The following DNAH1 variants were observed in gnomAD, a reference collection of about 807,000 sequenced individuals.
DNAH1 encodes axonemal beta dynein heavy chain 1.
Under a neutral mutation model 484.3 loss-of-function variants are expected in DNAH1, and 327 were observed. The ratio of observed to expected loss-of-function variants is 0.68; its 90% confidence interval spans 0.62 to 0.74. The LOEUF (loss-of-function observed/expected upper bound fraction) is 0.74. DNAH1 is among the 30% of genes least tolerant of loss of function. DNAH1 has a pLI of 0.00. For synonymous variants in DNAH1, 2,192 were observed against 2,191.9 expected (o/e 1.00, Z 0.00); for missense variants, 5,052 against 5,546.8 (o/e 0.91, Z 2.83).
chr3:52,364,540 T>G lies in DNAH1; in HGVS notation c.5245-98T>G. ...CAAGGGAAGTGCTATGAGCTGGTGA[T>G]GAGACTTGGCCAACTGCCAGGTGGG... On this transcript the variant is annotated intron_variant, in intron 32 of 77. Coordinates refer to ENST00000420323, the MANE Select transcript of DNAH1 (RefSeq NM_015512.5). The surrounding 1 kb of genome is among the most constrained non-coding windows in gnomAD (Gnocchi z 4.2). 9.5e-5 allele frequency: 130 copies of G among 1,364,446 alleles called. No individual in the cohort carries two copies. Among genetic ancestry groups the G allele is most frequent in the Middle Eastern group, 2.2e-4 (1 of 4,494 alleles). The allele number at this position is 1,364,446 out of a possible 1,614,324, so 84.5% of individuals were successfully genotyped here.
At chr3:52,366,121 G>A (rs960846498) in intron 34 of DNAH1, among the ~76,000 whole-genome samples, 4 of 152,198 alleles carry the variant, frequency 2.6e-5, no homozygotes, top group African/African-American at 9.7e-5. Context: ...TACTTGGGGT[G>A]GTGCTCTCAG....
intron 44 of DNAH1, chr3:52,373,890 T>A: frequency 7.2e-7 from 1 of 1,394,140 alleles, no homozygotes; most frequent in East Asian, 2.3e-5. Context: ...ACCACCTTCC[T>A]CCAATCCTAC....
chr3:52,395,946 T>C lies in DNAH1; in HGVS notation c.11259+268T>C, dbSNP rs1032376532. 1.3e-5 allele frequency among the ~76,000 whole-genome samples: 2 copies of C among 150,548 alleles called. No homozygotes were observed. The highest frequency in any genetic ancestry group is 3.0e-5 in the Non-Finnish European group (2 of 67,618). On this transcript the variant is annotated intron_variant, in intron 70 of 77. Coordinates refer to ENST00000420323, the MANE Select transcript of DNAH1 (RefSeq NM_015512.5). This position sits in a 1 kb window ranked among gnomAD's most constrained non-coding sequence, Gnocchi z 4.4. ...TGGGACTTGCCAAAGCCCTTTTTTT[T>C]TTTTTTTTTTCAGACGGAGTCTCAC...
chr3:52,333,537 G>A (rs190176276), intron 8 of DNAH1, among the ~76,000 whole-genome samples: 7 of 151,944 alleles, frequency 4.6e-5, no homozygotes, highest in Admixed American at 1.3e-4. Context: ...AAAGGCACCC[G>A]CCACTATGCC....
chr3:52,310,975 T>C, the DNAH1 span, among the ~76,000 whole-genome samples: 1 of 152,216 alleles, frequency 6.6e-6, no homozygotes, highest in Non-Finnish European at 1.5e-5. Context: ...GCTGGTGTTG[T>C]GCAGGGCAGG....
intron 60 of DNAH1, among the ~76,000 whole-genome samples, 190 bp downstream of exon 60, chr3:52,389,776 A>G (rs1363837226): frequency 6.6e-6 from 1 of 152,238 alleles, no homozygotes; most frequent in Non-Finnish European, 1.5e-5. Flanking sequence ...AGTGTGGCAC[A>G]GATGCTAGCT....
In DNAH1 at chr3:52,368,810, C is replaced by T. The variant is rs754350875; in HGVS notation, c.5835C>T (p.Tyr1945=). Residue 1945 remains tyrosine (Y), a synonymous_variant, in exon 37 of 78, where the codon TAC becomes TAT. Coordinates refer to ENST00000420323, the MANE Select transcript of DNAH1 (RefSeq NM_015512.5). The surrounding 1 kb of genome is among the most constrained non-coding windows in gnomAD (Gnocchi z 4.4). ...AITSDTNKKW[Y]MFDGPVDAIW... is the part of the protein sequence containing the mutation. Reference sequence around the variant, plus strand: ...CCTCCGACACCAACAAGAAGTGGTACATGTTCGATGGGCCGGTGGATGCCA... The same window carrying T: ...CCTCCGACACCAACAAGAAGTGGTATATGTTCGATGGGCCGGTGGATGCCA... 1 of 1,614,020 alleles carries T rather than the reference C, an allele frequency of 6.2e-7. No homozygotes were observed. Among genetic ancestry groups the T allele is most frequent in the Non-Finnish European group, 8.5e-7 (1 of 1,179,896 alleles).
intron 44 of DNAH1, chr3:52,373,504 A>G (rs1703448619): frequency 4.1e-6 from 6 of 1,460,210 alleles, no homozygotes; most frequent in South Asian, 2.4e-5. Context: ...TCCGTCAGGA[A>G]AAACAGCCTT....
chr3:52,323,071 C>T (rs1490042834), intron 2 of DNAH1, among the ~76,000 whole-genome samples: 1 of 152,168 alleles, frequency 6.6e-6, no homozygotes, highest in Non-Finnish European at 1.5e-5. Flanking sequence ...CGCCCACGTC[C>T]CTATTGTCAT....
At position 52,370,551 on chromosome 3, in the gene DNAH1, G is replaced by A; in HGVS notation, c.6333G>A (p.Leu2111=). ...ELIEPWFIFS[L]IWSVGATGDS... ...TCGAGCCCTGGTTCATCTTCTCCCT[G>A]ATCTGGAGCGTGGGTGCCACTGGGG... Residue 2111 remains leucine (L), a synonymous_variant, in exon 40 of 78, where the codon CTG becomes CTA. Transcript: ENST00000420323. The A allele has an allele frequency of 1.2e-6, 2 of 1,613,968 alleles. No individual in the cohort carries two copies. The highest frequency in any genetic ancestry group is 1.7e-6 in the Non-Finnish European group (2 of 1,179,890).
At position 52,362,915 on chromosome 3, in the gene DNAH1, A is replaced by C; in HGVS notation, c.5095-80A>C. ...GTGCAGCAGGGAGTCCCAGCGTGTT[A>C]GGGAGGAGGGCCGGATGAAGCTGGG... is the stretch of plus-strand genomic sequence containing the variant. On this transcript the variant is annotated intron_variant, in intron 31 of 77. Coordinates refer to ENST00000420323, the MANE Select transcript of DNAH1 (RefSeq NM_015512.5). This position sits in a 1 kb window ranked among gnomAD's most constrained non-coding sequence, Gnocchi z 5.1. 2 of 1,585,482 alleles carry C rather than the reference A, an allele frequency of 1.3e-6. No homozygotes were observed. The highest frequency in any genetic ancestry group is 1.7e-6 in the Non-Finnish European group (2 of 1,161,564).
intron 44 of DNAH1, 87 bp from the exon 45 acceptor site, chr3:52,375,153 T>C: frequency 7.1e-7 from 1 of 1,418,266 alleles, no homozygotes; most frequent in Admixed American, 2.4e-5. Context: ...TAAAGTATAA[T>C]TTTGAATTTT....
At chr3:52,324,438 A>G (rs890601513) in intron 3 of DNAH1, among the ~76,000 whole-genome samples, 1 of 152,064 alleles carries the variant, frequency 6.6e-6, no homozygotes, top group Non-Finnish European at 1.5e-5. Context: ...CTCCAGGAGA[A>G]GCTCTGAGTG....
chr3:52,333,055 T>C (rs1414139858), intron 8 of DNAH1, among the ~76,000 whole-genome samples: 4 of 152,076 alleles, frequency 2.6e-5, no homozygotes, highest in Non-Finnish European at 5.9e-5. Context: ...TCTGGCTAAT[T>C]TTGTTATTTT....
Position 52,386,234 on chromosome 3 carries a change from G to A in DNAH1, c.8700G>A (p.Lys2900=). ...TEEIKANEKA[K]KAQAIADDAQ... ...AGATCAAAGCCAATGAGAAGGCCAA[G>A]AAGGCACAAGCTATTGCTGACGATG... is the stretch of plus-strand genomic sequence containing the variant. The change falls in exon 55 of 78, where the codon AAG becomes AAA. Residue 2900 remains lysine (K), a synonymous_variant. Transcript: ENST00000420323. 6.2e-7 allele frequency: 1 copy of A among 1,613,682 alleles called. No homozygotes were observed. The highest frequency in any genetic ancestry group is 8.5e-7 in the Non-Finnish European group (1 of 1,179,796).
At chr3:52,399,503 G>C in intron 76 of DNAH1, 42 bp from the exon 77 acceptor site, 1 of 1,524,778 alleles carries the variant, frequency 6.6e-7, no homozygotes, top group Non-Finnish European at 8.9e-7. Context: ...CCAGATTCTG[G>C]GTATTGTTAT....
At position 52,388,214 on chromosome 3, in the gene DNAH1, T is replaced by TC. The variant is rs760461539; in HGVS notation, c.9051_9052insC (p.Asn3018GlnfsTer2). 5 of 1,609,546 alleles carry TC rather than the reference T, an allele frequency of 3.1e-6. No individual in the cohort carries two copies. In the South Asian group the frequency reaches 5.6e-5, roughly 18 times the overall value. ...TCAAAGCCATCCAGCCGTACATCGA[T>TC]AATGAAGAGTTCCAGCCAGCCACCA... is the stretch of plus-strand genomic sequence containing the variant. On this transcript the variant is annotated frameshift_variant, in exon 57 of 78. Coordinates refer to ENST00000420323, the MANE Select transcript of DNAH1 (RefSeq NM_015512.5). LOFTEE classifies it high-confidence loss of function.
Position 52,379,870 on chromosome 3 carries a change from G to T in DNAH1, c.7378-35G>T. On this transcript the variant is annotated intron_variant, in intron 47 of 77. Coordinates refer to ENST00000420323, the MANE Select transcript of DNAH1 (RefSeq NM_015512.5). The surrounding 1 kb of genome is among the most constrained non-coding windows in gnomAD (Gnocchi z 4.4). ...TTGAGAGATAGCTGAGGGCTTGGGG[G>T]CCAAGGACAGGCACCGATGCTGGGG... 6.5e-7 allele frequency: 1 copy of T among 1,529,762 alleles called. No homozygotes were observed. The highest frequency in any genetic ancestry group is 1.2e-5 in the South Asian group (1 of 82,628). 94.8% of individuals were successfully genotyped at this position (1,529,762 alleles called of 1,614,324 possible).
chr3:52,370,946 CGGTT>C, intron 41 of DNAH1, 121 bp downstream of exon 41: 1 of 903,686 alleles, frequency 1.1e-6, no homozygotes, highest in South Asian at 1.6e-5. Flanking sequence ...TCTCAGGCAG[CGGTT>C]ATTTGCATCA....
Sources: gnomAD v4.1 joint callset for allele counts (sites outside exome capture counted in the v4.1 genomes callset) on GRCh38, gnomAD v4.1.1 for gene constraint, Gnocchi (gnomAD v3.1) non-coding constraint, MANE v1.5 for transcripts, NCBI Gene and HGNC (gene_info 2026-07-23, HGNC 2026-07-21) for gene names.